Variants in PKD2L1 observed in about 807,000 individuals in gnomAD.
The protein encoded by PKD2L1 is polycystin-2-like protein 1.
A neutral mutation model predicts 93.0 loss-of-function variants in PKD2L1; 77 were observed. That is an observed-to-expected ratio of 0.83 (90% CI 0.69 to 1.00). The LOEUF is 1.00. Among genes scored for constraint, PKD2L1 ranks in the 50% least tolerant of loss-of-function variants. The pLI is 0.00. For missense variants in PKD2L1, 977 were observed against 990.9 expected, an observed-to-expected ratio of 0.99 and a Z score of 0.19; for synonymous variants, 390 against 388.0, an observed-to-expected ratio of 1.01 and a Z score of -0.06.
Position 100,330,124 on chromosome 10 carries a change from C to T in PKD2L1, c.-21G>A. On this transcript the variant is annotated 5_prime_UTR_variant, in exon 1 of 16. Transcript: ENST00000318222. Reference sequence around the variant, plus strand: ...TTCATGGGGAATGAGGTGGGGGGGCCCGGTACCCCAGGTGCCCACTCTCAG... The same window carrying T: ...TTCATGGGGAATGAGGTGGGGGGGCTCGGTACCCCAGGTGCCCACTCTCAG... The T allele has an allele frequency of 3.4e-6, 5 of 1,465,348 alleles. No homozygotes were observed. Among genetic ancestry groups the T allele is most frequent in the Non-Finnish European group, 4.7e-6 (5 of 1,072,886 alleles). 90.8% of individuals were successfully genotyped at this position (1,465,348 alleles called of 1,614,324 possible).
chr10:100,311,524 C>A (rs2133558959), intron 2 of PKD2L1, among the ~76,000 whole-genome samples: 1 of 152,236 alleles, frequency 6.6e-6, no homozygotes, highest in South Asian at 2.1e-4. Context: ...ACTGAATATT[C>A]TTGTGCTTTC....
Position 100,321,852 on chromosome 10 carries a change from A to AAGCAAGCAAGAAGGCAGGC in PKD2L1, c.349+7358_349+7359insGCCTGCCTTCTTGCTTGCT. Among the ~76,000 whole-genome samples the AAGCAAGCAAGAAGGCAGGC allele has an allele frequency of 6.4e-3, 3 of 466 alleles. 1 individual carries two copies. The highest frequency in any genetic ancestry group is 0.011 in the African/African-American group (3 of 264). The allele number at this position is 466 out of a possible 152,430, so 0.3% of individuals were successfully genotyped here. A position where few individuals can be genotyped will look rare whatever the true frequency, so the allele number is the denominator to read the frequency against. ...GAAAGAAGGAAAGCAAGCAAGCAAG[A>AAGCAAGCAAGAAGGCAGGC]AGGCAGGCAGGCAGGCAGGCAGGCA... On this transcript the variant is annotated intron_variant, in intron 2 of 15. Coordinates refer to ENST00000318222, the MANE Select transcript of PKD2L1 (RefSeq NM_016112.3).
At chr10:100,302,961 C>T (rs1848717500) in intron 2 of PKD2L1, among the ~76,000 whole-genome samples, 1 of 151,934 alleles carries the variant, frequency 6.6e-6, no homozygotes, top group Non-Finnish European at 1.5e-5. Context: ...TATTTAGGAA[C>T]AAAAGGGCAT....
At chr10:100,329,424 G>A in intron 1 of PKD2L1, 100 bp from the exon 2 acceptor site, 1 of 1,494,036 alleles carries the variant, frequency 6.7e-7, no homozygotes, top group Non-Finnish European at 9.1e-7. Context: ...TTCCACCCCT[G>A]CCCTTCCTTG....
In PKD2L1 at chr10:100,329,138, G is replaced by A. The variant is rs1849443696; in HGVS notation, c.349+73C>T. On this transcript the variant is annotated intron_variant, in intron 2 of 15. Coordinates refer to ENST00000318222, the MANE Select transcript of PKD2L1 (RefSeq NM_016112.3). ...CTCGCTCCACAGATGTTGCCCACAGGAATGTTTATACATATAGTGCACACA... is the reference window on the plus strand; with the variant it reads ...CTCGCTCCACAGATGTTGCCCACAGAAATGTTTATACATATAGTGCACACA... 3.5e-6 allele frequency: 5 copies of A among 1,446,902 alleles called. No individual in the cohort carries two copies. The South Asian group carries it at 5.9e-5, about 17-fold the overall frequency. 89.6% of individuals were successfully genotyped at this position (1,446,902 alleles called of 1,614,324 possible).
intron 2 of PKD2L1, among the ~76,000 whole-genome samples, chr10:100,321,475 G>C (rs1849225928): frequency 6.8e-6 from 1 of 146,916 alleles, no homozygotes; most frequent in Admixed American, 6.9e-5. Context: ...AAAAAGAAAA[G>C]AAAAGAAAAG....
chr10:100,300,807 A>C (rs1848657336), intron 2 of PKD2L1, among the ~76,000 whole-genome samples: 1 of 152,124 alleles, frequency 6.6e-6, no homozygotes, highest in African/African-American at 2.4e-5. Context: ...GACCCCTTTC[A>C]AACTGTGTAT....
Position 100,295,141 on chromosome 10 carries a change from A to G in PKD2L1, c.1357-18T>C, listed in dbSNP as rs1346908458. 1.9e-6 allele frequency: 3 copies of G among 1,606,256 alleles called. No individual in the cohort carries two copies. Among genetic ancestry groups the G allele is most frequent in the Non-Finnish European group, 1.7e-6 (2 of 1,174,338 alleles). Reference sequence around the variant, plus strand: ...TTGAATATCTGGAAGGACCATGTTGAACCAAGGGATGAAGAAGGAAAAGGG... The same window carrying G: ...TTGAATATCTGGAAGGACCATGTTGGACCAAGGGATGAAGAAGGAAAAGGG... On this transcript the variant is annotated intron_variant, in intron 7 of 15. Transcript: ENST00000318222.
At position 100,295,005 on chromosome 10, in the gene PKD2L1, G is replaced by C. The variant is rs372577908; in HGVS notation, c.1475C>G (p.Ala492Gly). The C allele has an allele frequency of 8.7e-6, 14 of 1,614,152 alleles. No individual in the cohort carries two copies. Among genetic ancestry groups the C allele is most frequent in the Non-Finnish European group, 1.2e-5 (14 of 1,180,012 alleles). ...CCCGAAAAGCAGGTAGCCGAGTTGG[G>C]CATAGGCGAAGAAAACAATGAAGAA... Reference protein sequence around the residue: ...VMFFIVFFAYAQLGYLLFGTQ... With the variant: ...VMFFIVFFAYGQLGYLLFGTQ... Residue 492 changes from alanine (A) to glycine (G), a missense_variant, in exon 8 of 16, where the codon GCC (alanine) becomes GGC (glycine). Coordinates refer to ENST00000318222, the MANE Select transcript of PKD2L1 (RefSeq NM_016112.3).
intron 2 of PKD2L1, among the ~76,000 whole-genome samples, chr10:100,323,386 A>G (rs749590370): frequency 3.3e-5 from 5 of 152,168 alleles, no homozygotes; most frequent in Admixed American, 6.5e-5. Context: ...CTCTTGCCTC[A>G]GCTTCCTGAG....
At position 100,298,761 on chromosome 10, in the gene PKD2L1, G is replaced by A. The variant is rs761531774; in HGVS notation, c.532C>T (p.Gln178Ter). The change falls in exon 4 of 16, where the codon CAG becomes TAG. Residue 178 changes from glutamine (Q) to a stop codon, truncating the protein, a stop_gained. Transcript: ENST00000318222. LOFTEE classifies it high-confidence loss of function. ...SLYWTKWYNN[Q>*]SLGHGSHSFI... Reference sequence around the variant, plus strand: ...GAGTGGGAGCCATGGCCCAGGCTCTGGTTGTTGTACCATTTGGTCCAATAC... The same window carrying A: ...GAGTGGGAGCCATGGCCCAGGCTCTAGTTGTTGTACCATTTGGTCCAATAC... 11 of 1,613,834 alleles carry A rather than the reference G, an allele frequency of 6.8e-6. No individual in the cohort carries two copies. Among genetic ancestry groups the A allele is most frequent in the Non-Finnish European group, 9.3e-6 (11 of 1,179,968 alleles).
At chr10:100,303,222 T>TC (rs61526331) in intron 2 of PKD2L1, among the ~76,000 whole-genome samples, 1,938 of 136,108 alleles carry the variant, frequency 0.014, 19 homozygotes, top group Middle Eastern at 0.023. Context: ...AGACGGAGTT[T>TC]CACTCTTGTT....
chr10:100,319,362 G>A (rs1849177470), intron 2 of PKD2L1, among the ~76,000 whole-genome samples: 1 of 152,182 alleles, frequency 6.6e-6, no homozygotes, highest in Non-Finnish European at 1.5e-5. Context: ...GCTAATAACT[G>A]GTAGCACCAT....
intron 2 of PKD2L1, among the ~76,000 whole-genome samples, chr10:100,314,243 G>A (rs935504239): frequency 1.3e-5 from 2 of 152,068 alleles, no homozygotes; most frequent in African/African-American, 4.8e-5. Flanking sequence ...TGATTCCCTG[G>A]AGTTCCCAGC....
chr10:100,313,997 A>G (rs1848995956), intron 2 of PKD2L1, among the ~76,000 whole-genome samples: 1 of 152,108 alleles, frequency 6.6e-6, no homozygotes, highest in Non-Finnish European at 1.5e-5. Flanking sequence ...ATTTGTAGGT[A>G]ATTTTTTCAT....
At chr10:100,311,264 T>G (rs2133558702) in intron 2 of PKD2L1, among the ~76,000 whole-genome samples, 1 of 152,344 alleles carries the variant, frequency 6.6e-6, no homozygotes, top group African/African-American at 2.4e-5. Flanking sequence ...TCTAGAGTGT[T>G]CTGGTACACG....
chr10:100,312,782 G>A (rs1029944562), intron 2 of PKD2L1, among the ~76,000 whole-genome samples: 5 of 151,898 alleles, frequency 3.3e-5, no homozygotes, highest in Non-Finnish European at 7.4e-5. Context: ...TGCATAAAGA[G>A]TTTACGAAGA....
At chr10:100,328,521 G>A (rs573144390) in intron 2 of PKD2L1, among the ~76,000 whole-genome samples, 149 of 151,904 alleles carry the variant, frequency 9.8e-4, no homozygotes, top group Non-Finnish European at 1.9e-3. Context: ...AACATGCATC[G>A]GATATAGTAT....
chr10:100,309,325 G>T (rs1848878416), intron 2 of PKD2L1, among the ~76,000 whole-genome samples: 1 of 152,012 alleles, frequency 6.6e-6, no homozygotes, highest in African/African-American at 2.4e-5. Flanking sequence ...TTAATAGCTG[G>T]ATTTTCTTTC....
Sources: allele counts gnomAD v4.1 joint callset (sites outside exome capture counted in the v4.1 genomes callset), GRCh38; gene constraint gnomAD v4.1.1; transcripts MANE v1.5; gene names NCBI Gene and HGNC (gene_info 2026-07-23, HGNC 2026-07-21).